Variants in MCM10 observed in about 807,000 individuals in gnomAD.
MCM10 encodes protein MCM10 homolog.
In MCM10, 91 loss-of-function variants were observed where a neutral mutation model predicts 109.9. The ratio of observed to expected loss-of-function variants is 0.83; its 90% CI spans 0.70 to 0.99. The LOEUF is 0.99. Ranked by LOEUF, MCM10 falls within the 50% of genes least tolerant of loss-of-function variation. MCM10 has a pLI of 0.00. For missense variants in MCM10, 1,077 were observed against 1,061.2 expected, an observed-to-expected ratio of 1.01 and a Z score of -0.21; for synonymous variants, 380 against 387.2, an observed-to-expected ratio of 0.98 and a Z score of 0.22.
rs774065711 is a variant in MCM10 at position 13,186,150 on chromosome 10, A to G, written c.1099-14A>G. On this transcript the variant is annotated splice_polypyrimidine_tract_variant and intron_variant, in intron 8 of 19. Transcript: ENST00000378714. ...TTTGTCCGCCTTTAACTCCTGCCCC[A>G]CCTTTTCTTACAGGTGTGTTTATCT... The G allele has an allele frequency of 2.1e-5, 31 of 1,499,218 alleles. No individual in the cohort carries two copies. The highest frequency in any genetic ancestry group is 2.6e-5 in the Non-Finnish European group (28 of 1,079,268). The allele number at this position is 1,499,218 out of a possible 1,614,324, so 92.9% of individuals were successfully genotyped here.
At chr10:13,204,184 C>T (rs1412674154) in intron 17 of MCM10, 35 bp from the exon 18 acceptor site, 1 of 1,603,338 alleles carries the variant, frequency 6.2e-7, no homozygotes, top group East Asian at 2.2e-5. Context: ...AAAGGCTCTT[C>T]ACCGGCGGTG....
chr10:13,171,888 C>A (rs1252345650), intron 3 of MCM10, among the ~76,000 whole-genome samples: 1 of 152,012 alleles, frequency 6.6e-6, no homozygotes, highest in East Asian at 1.9e-4. Flanking sequence ...CCACAGCCTC[C>A]CTAGTAGCTG....
chr10:13,196,961 G>A (rs1834429655), intron 14 of MCM10, among the ~76,000 whole-genome samples: 1 of 152,010 alleles, frequency 6.6e-6, no homozygotes, highest in African/African-American at 2.4e-5. Flanking sequence ...GTCTCACTCT[G>A]TCTCCCAGGC....
chr10:13,198,651 T>A (rs1473338651), intron 15 of MCM10, 38 bp from the exon 16 acceptor site: 1 of 1,391,442 alleles, frequency 7.2e-7, no homozygotes, highest in East Asian at 2.3e-5. Context: ...TTTCTGAAAT[T>A]TCTTGGTCGC....
chr10:13,203,714 T>C (rs1277981432), intron 17 of MCM10, among the ~76,000 whole-genome samples: 1 of 152,132 alleles, frequency 6.6e-6, no homozygotes, highest in East Asian at 1.9e-4. Flanking sequence ...GAATTAAAAG[T>C]GAATTCCTCA....
chr10:13,183,010 A>C lies in MCM10; in HGVS notation c.1008A>C (p.Glu336Asp). ...GTGTGTCCTTGTTCTTATTTGGAGAAGTTCACAAAGCGCTCTGGAAGACGG... is the reference window on the plus strand; with the variant it reads ...GTGTGTCCTTGTTCTTATTTGGAGACGTTCACAAAGCGCTCTGGAAGACGG... ...TQCVSLFLFG[E>D]VHKALWKTEQ... Residue 336 changes from glutamate (E) to aspartate (D), a missense_variant, in exon 8 of 20, where the codon GAA becomes GAC. Physicochemically the swap from Glu to Asp is conservative, Grantham distance 45. Coordinates refer to ENST00000378714, the MANE Select transcript of MCM10 (RefSeq NM_018518.5). 1 of 1,614,174 alleles carries C rather than the reference A, an allele frequency of 6.2e-7. No individual in the cohort carries two copies. The highest frequency in any genetic ancestry group is 8.5e-7 in the Non-Finnish European group (1 of 1,180,004).
chr10:13,189,052 G>C lies in MCM10; in HGVS notation c.1387G>C (p.Val463Leu), dbSNP rs761289771. Reference sequence around the variant, plus strand: ...CCAAGATGGCTTTTACTACGGAGGGGTTTCTTCTGCCTCGTATGCAGCTTC... The same window carrying C: ...CCAAGATGGCTTTTACTACGGAGGGCTTTCTTCTGCCTCGTATGCAGCTTC... Reference protein sequence around the residue: ...LCQDGFYYGGVSSASYAASIA... With the variant: ...LCQDGFYYGGLSSASYAASIA... The change falls in exon 10 of 20, where the codon GTT (valine) becomes CTT (leucine). Residue 463 changes from valine to leucine, a missense_variant. Coordinates refer to ENST00000378714, the MANE Select transcript of MCM10 (RefSeq NM_018518.5). 6.2e-7 allele frequency: 1 copy of C among 1,614,242 alleles called. No individual in the cohort carries two copies. The highest frequency in any genetic ancestry group is 1.3e-5 in the African/African-American group (1 of 75,064).
chr10:13,165,382 A>G lies in MCM10; in HGVS notation c.7+1173A>G, dbSNP rs147537989. Among the ~76,000 whole-genome samples, 451 of 152,326 alleles carry G rather than the reference A, an allele frequency of 3.0e-3. 2 individuals carry two copies. Among genetic ancestry groups the G allele is most frequent in the African/African-American group, 0.01 (426 of 41,582 alleles). On this transcript the variant is annotated intron_variant, in intron 2 of 19. Coordinates refer to ENST00000378714, the MANE Select transcript of MCM10 (RefSeq NM_018518.5). Reference sequence around the variant, plus strand: ...ACCCTCAGATAAGGGGTTATTCCTTATGTGAAACTCATTGCCTGATGCTAT... The same window carrying G: ...ACCCTCAGATAAGGGGTTATTCCTTGTGTGAAACTCATTGCCTGATGCTAT...
At chr10:13,202,177 C>T (rs543839650) in intron 17 of MCM10, among the ~76,000 whole-genome samples, 25 of 152,112 alleles carry the variant, frequency 1.6e-4, no homozygotes, top group African/African-American at 5.1e-4. Context: ...CGGGCAACAT[C>T]GTGAGACCCC....
At chr10:13,202,957 G>A (rs1834519936) in intron 17 of MCM10, among the ~76,000 whole-genome samples, 1 of 152,134 alleles carries the variant, frequency 6.6e-6, no homozygotes, top group East Asian at 1.9e-4. Context: ...CGATTCTCGT[G>A]TCTCAGCCTC....
intron 14 of MCM10, among the ~76,000 whole-genome samples, chr10:13,195,789 G>C (rs909394009): frequency 6.6e-6 from 1 of 151,138 alleles, no homozygotes; most frequent in South Asian, 2.1e-4. Context: ...TTTTAGTAGA[G>C]ACATGGTTTC....
Position 13,209,404 on chromosome 10 carries a change from G to T in MCM10, c.*94G>T. On this transcript the variant is annotated 3_prime_UTR_variant, in exon 20 of 20. Transcript: ENST00000378714. ...GTGTATTGTCCATTGATTCCTGATT[G>T]ACGCCGTCAAAAACAAATGCTTGTT... 1.0e-6 allele frequency: 1 copy of T among 981,944 alleles called. No homozygotes were observed. The highest frequency in any genetic ancestry group is 1.5e-5 in the South Asian group (1 of 68,366). The allele number at this position is 981,944 out of a possible 1,614,324, so 60.8% of individuals were successfully genotyped here.
intron 2 of MCM10, among the ~76,000 whole-genome samples, chr10:13,168,329 C>T (rs1834028856): frequency 2.0e-5 from 3 of 152,206 alleles, no homozygotes; most frequent in Admixed American, 2.0e-4. Flanking sequence ...CATTAGGCCC[C>T]ATCATCAGAT....
intron 8 of MCM10, among the ~76,000 whole-genome samples, chr10:13,183,946 C>T (rs947495048): frequency 3.3e-5 from 5 of 152,146 alleles, no homozygotes; most frequent in African/African-American, 9.7e-5. Context: ...TCAACCTATA[C>T]CTCCCAGGTT....
chr10:13,196,443 T>A (rs904786697), intron 14 of MCM10, among the ~76,000 whole-genome samples: 4 of 152,184 alleles, frequency 2.6e-5, no homozygotes, highest in African/African-American at 7.2e-5. Context: ...ACAATAACCA[T>A]GGCACATGTC....
intron 10 of MCM10, among the ~76,000 whole-genome samples, chr10:13,190,505 AAAACCCCATCTCTAC>A (rs1451708911): frequency 7.3e-6 from 1 of 136,142 alleles, no homozygotes; most frequent in East Asian, 2.1e-4. Flanking sequence ...GCGACATGGC[AAAACCCCATCTCTAC>A]AAAATGCAAA....
Position 13,164,112 on chromosome 10 carries a change from T to C in MCM10, c.-75-16T>C. 2 of 1,121,342 alleles carry C rather than the reference T, an allele frequency of 1.8e-6. No individual in the cohort carries two copies. The highest frequency in any genetic ancestry group is 5.2e-5 in the East Asian group (2 of 38,488). The allele number at this position is 1,121,342 out of a possible 1,614,324, so 69.5% of individuals were successfully genotyped here. ...GAAGAATTGAAAGTGACATTTCTAA[T>C]ATTGCTTTCACACAGCCAAGATTCT... is the stretch of plus-strand genomic sequence containing the variant. On this transcript the variant is annotated splice_polypyrimidine_tract_variant and intron_variant, in intron 1 of 19. Coordinates refer to ENST00000378714, the MANE Select transcript of MCM10 (RefSeq NM_018518.5).
intron 5 of MCM10, among the ~76,000 whole-genome samples, chr10:13,174,905 G>T (rs563996935): frequency 2.0e-5 from 3 of 152,084 alleles, no homozygotes; most frequent in African/African-American, 7.2e-5. Context: ...GAGGCAGGCG[G>T]ATCACCTGAG....
In MCM10 at chr10:13,161,820, G is replaced by A. The variant is rs529257432; in HGVS notation, c.-76+214G>A. ...CTGGGAGTTGCTGGCCGTCTACTAA[G>A]GAATCGGGTTCTTCCTTTTAAACGC... On this transcript the variant is annotated intron_variant, in intron 1 of 19. Coordinates refer to ENST00000378714, the MANE Select transcript of MCM10 (RefSeq NM_018518.5). 2.2e-4 allele frequency among the ~76,000 whole-genome samples: 34 copies of A among 152,382 alleles called. No homozygotes were observed. The Middle Eastern group carries it at 0.01, about 46-fold the overall frequency.
Sources: gnomAD v4.1 joint callset for allele counts (sites outside exome capture counted in the v4.1 genomes callset) on GRCh38, gnomAD v4.1.1 for gene constraint, MANE v1.5 for transcripts, NCBI Gene and HGNC (gene_info 2026-07-23, HGNC 2026-07-21) for gene names.